KCTD16: variants seen among roughly 807,000 people sequenced by gnomAD.
KCTD16 encodes the protein potassium channel tetramerization domain containing 16.
A neutral mutation model predicts 33.2 loss-of-function variants in KCTD16; 13 were observed. That is an observed-to-expected ratio of 0.39 (90% CI 0.25 to 0.62). The LOEUF (loss-of-function observed/expected upper bound fraction) is 0.62. Among genes scored for constraint, KCTD16 ranks in the 20% least tolerant of loss-of-function variants. The pLI is 0.50. For synonymous variants in KCTD16, 197 were observed against 195.3 expected (o/e 1.01, Z -0.07); for missense variants, 441 against 525.1 (o/e 0.84, Z 1.57).
intron 3 of KCTD16, among the ~76,000 whole-genome samples, chr5:144,441,672 T>G (rs1753711466): frequency 6.6e-6 from 1 of 152,090 alleles, no homozygotes; most frequent in South Asian, 2.1e-4. Flanking sequence ...CGTATTGTAT[T>G]TATTTATATG....
chr5:144,411,067 C>T (rs2126953784), intron 3 of KCTD16, among the ~76,000 whole-genome samples: 1 of 152,202 alleles, frequency 6.6e-6, no homozygotes, highest in African/African-American at 2.4e-5. Flanking sequence ...GCATTCTATG[C>T]TCATGATTAA....
At chr5:144,199,042 C>T (rs1561525987) in intron 2 of KCTD16, among the ~76,000 whole-genome samples, 1 of 152,070 alleles carries the variant, frequency 6.6e-6, no homozygotes, top group Non-Finnish European at 1.5e-5. Context: ...ATTCCATTTA[C>T]ACATATATAA....
At chr5:144,267,530 A>G (rs1287431258) in intron 3 of KCTD16, among the ~76,000 whole-genome samples, 2 of 152,178 alleles carry the variant, frequency 1.3e-5, no homozygotes, top group Admixed American at 1.3e-4. Flanking sequence ...TTAATAAATG[A>G]ATCAGTGCTT....
chr5:144,332,655 G>C (rs1416026186), intron 3 of KCTD16, among the ~76,000 whole-genome samples: 1 of 152,208 alleles, frequency 6.6e-6, no homozygotes, highest in Non-Finnish European at 1.5e-5. Context: ...AGAAATTGAA[G>C]AAGTTTTATC....
chr5:144,186,658 A>C (rs535626621), intron 2 of KCTD16, among the ~76,000 whole-genome samples: 1 of 152,312 alleles, frequency 6.6e-6, no homozygotes, highest in Non-Finnish European at 1.5e-5. Context: ...TTTCTCCTCA[A>C]CACATGCCCA....
intron 3 of KCTD16, among the ~76,000 whole-genome samples, chr5:144,210,558 A>G (rs577975507): frequency 6.6e-6 from 1 of 152,292 alleles, no homozygotes; most frequent in Non-Finnish European, 1.5e-5. Context: ...CTTTTCAAGC[A>G]TTATGTGGAA....
intron 3 of KCTD16, among the ~76,000 whole-genome samples, chr5:144,315,226 CCTCT>C (rs1270303306): frequency 6.6e-6 from 1 of 152,168 alleles, no homozygotes; most frequent in Non-Finnish European, 1.5e-5. Flanking sequence ...CACCTAAGCA[CCTCT>C]CTCAAACCTT....
chr5:144,273,161 G>T (rs1376284881), intron 3 of KCTD16, among the ~76,000 whole-genome samples: 1 of 151,970 alleles, frequency 6.6e-6, no homozygotes, highest in Non-Finnish European at 1.5e-5. Context: ...ATGGGCAAAG[G>T]ACTTGACTAA....
At chr5:144,196,924 G>A (rs750432847) in intron 2 of KCTD16, among the ~76,000 whole-genome samples, 11 of 152,168 alleles carry the variant, frequency 7.2e-5, no homozygotes, top group Non-Finnish European at 1.0e-4. Context: ...TTCCTTGGCA[G>A]CAGCTGTGCA....
chr5:144,427,120 G>C (rs1753349733), intron 3 of KCTD16, among the ~76,000 whole-genome samples: 1 of 152,112 alleles, frequency 6.6e-6, no homozygotes, highest in African/African-American at 2.4e-5. Flanking sequence ...ATGATTGGTA[G>C]CAGAGGAGCT....
intron 3 of KCTD16, among the ~76,000 whole-genome samples, chr5:144,318,975 A>G (rs550064171): frequency 4.2e-4 from 64 of 152,336 alleles, no homozygotes; most frequent in Admixed American, 1.6e-3. Flanking sequence ...AGTTTTAAAA[A>G]TTAGTATTAA....
intron 3 of KCTD16, among the ~76,000 whole-genome samples, chr5:144,366,417 A>C (rs1186754143): frequency 1.3e-5 from 2 of 152,190 alleles, no homozygotes; most frequent in Non-Finnish European, 2.9e-5. Context: ...ATCCTTTGCT[A>C]TCATTTTTTG....
rs748526174 is a variant in KCTD16, at chr5:144,194,863, A to G, written c.-326-11526A>G. ...AGAAATAATCATTTTTAGTACTTAA[A>G]TTGTGTTTTGGTATTTTTTGTGAAT... On this transcript the variant is annotated intron_variant, in intron 2 of 3. Coordinates refer to ENST00000512467, the MANE Select transcript of KCTD16 (RefSeq NM_020768.4). Among the ~76,000 whole-genome samples, 62 of 152,144 alleles carry G rather than the reference A, an allele frequency of 4.1e-4. 1 individual carries two copies. Among genetic ancestry groups the G allele is most frequent in the Non-Finnish European group, 5.7e-4 (39 of 68,032 alleles).
At chr5:144,372,143 T>C (rs547738540) in intron 3 of KCTD16, among the ~76,000 whole-genome samples, 131 of 152,170 alleles carry the variant, frequency 8.6e-4, no homozygotes, top group East Asian at 4.3e-3. Flanking sequence ...TTAGACTGTT[T>C]CAGTTTATAT....
rs915155160 is a variant in KCTD16 at position 144,459,960 on chromosome 5, T to A, written c.833-13700T>A. On this transcript the variant is annotated intron_variant, in intron 3 of 3. Coordinates refer to ENST00000512467, the MANE Select transcript of KCTD16 (RefSeq NM_020768.4). Reference sequence around the variant, plus strand: ...CATTCTCCTGCCTCAGTCTCCCGAGTTAACTGGGACTACAGGCATCTGCCA... The same window carrying A: ...CATTCTCCTGCCTCAGTCTCCCGAGATAACTGGGACTACAGGCATCTGCCA... Among the ~76,000 whole-genome samples the A allele has an allele frequency of 7.7e-5, 4 of 51,996 alleles. No individual in the cohort carries two copies. The Admixed American group carries it at 1.0e-3, about 13-fold the overall frequency. The allele number at this position is 51,996 out of a possible 152,430, so 34.1% of individuals were successfully genotyped here. A position where few individuals can be genotyped will look rare whatever the true frequency, so the allele number is the denominator to read the frequency against.
chr5:144,200,661 G>A (rs1432194989), intron 2 of KCTD16, among the ~76,000 whole-genome samples: 1 of 152,214 alleles, frequency 6.6e-6, no homozygotes, highest in East Asian at 1.9e-4. Flanking sequence ...AAAATCATAC[G>A]TGAACTATGT....
chr5:144,245,403 A>G (rs1217578337), intron 3 of KCTD16, among the ~76,000 whole-genome samples: 1 of 152,256 alleles, frequency 6.6e-6, no homozygotes, highest in Non-Finnish European at 1.5e-5. Context: ...CTTTAAGTAT[A>G]GGAGTTAACA....
At chr5:144,371,326 T>G (rs1751961216) in intron 3 of KCTD16, among the ~76,000 whole-genome samples, 1 of 152,202 alleles carries the variant, frequency 6.6e-6, no homozygotes, top group Admixed American at 6.6e-5. Flanking sequence ...GAAATAATGA[T>G]TTTAACGGTC....
chr5:144,295,622 T>C (rs1756014904), intron 3 of KCTD16, among the ~76,000 whole-genome samples: 1 of 152,160 alleles, frequency 6.6e-6, no homozygotes, highest in Admixed American at 6.6e-5. Flanking sequence ...GCCCCCAAAG[T>C]TATCCATGCC....
Sources: allele counts gnomAD v4.1 joint callset (sites outside exome capture counted in the v4.1 genomes callset), GRCh38; gene constraint gnomAD v4.1.1; transcripts MANE v1.5; gene names NCBI Gene and HGNC (gene_info 2026-07-23, HGNC 2026-07-21).